Variants in BAG1 observed in about 807,000 individuals in gnomAD.
The protein encoded by BAG1 is BAG cochaperone 1.
BAG1 carries 35 observed loss-of-function variants against 35.5 expected under a neutral mutation model. The ratio of observed to expected loss-of-function variants is 0.99; its 90% CI spans 0.75 to 1.31. The LOEUF (loss-of-function observed/expected upper bound fraction) is 1.31, where lower values mean the gene tolerates loss of function less well. BAG1 is among the 50% of genes most tolerant of loss of function. The pLI is 0.00. For missense variants in BAG1, 464 were observed against 453.6 expected (o/e 1.02, Z -0.21); for synonymous variants, 191 against 178.9 (o/e 1.07, Z -0.54).
chr9:33,254,012 CTG>C lies in BAG1; in HGVS notation c.*1205_*1206del, dbSNP rs1820393755. 6.6e-6 allele frequency: 1 copy of C among 151,410 alleles called. No homozygotes were observed. The highest frequency in any genetic ancestry group is 2.4e-5 in the African/African-American group (1 of 41,138). 9.4% of individuals were successfully genotyped at this position (151,410 alleles called of 1,614,324 possible). A position where few individuals can be genotyped will look rare whatever the true frequency, so the allele number is the denominator to read the frequency against. ...TTTTTTTCTGAGATGGAGTCTCACT[CTG>C]TGACCCAGGCTGGAGTGCAGGGGCG... is the stretch of plus-strand genomic sequence containing the variant. On this transcript the variant is annotated 3_prime_UTR_variant, in exon 7 of 7. Transcript: ENST00000634734.
At chr9:33,258,105 A>G (rs1214338574) in intron 4 of BAG1, 2 of 152,104 alleles carry the variant, frequency 1.3e-5, no homozygotes, top group African/African-American at 4.8e-5. Context: ...AGTCTGGCCA[A>G]CATGGTGAAA....
chr9:33,264,707 C>A lies in BAG1; in HGVS notation c.-33G>T, dbSNP rs1820676285. The A allele has an allele frequency of 1.5e-6, 2 of 1,364,288 alleles. No homozygotes were observed. Among genetic ancestry groups the A allele is most frequent in the Non-Finnish European group, 9.4e-7 (1 of 1,064,556 alleles). 84.5% of individuals were successfully genotyped at this position (1,364,288 alleles called of 1,614,324 possible). A position where few individuals can be genotyped will look rare whatever the true frequency, so the allele number is the denominator to read the frequency against. ...CTTGTTGACCGCCCAGCGATGGAAG[C>A]TGAGCGCGGCGTCTCACAACCCCGC... On this transcript the variant is annotated 5_prime_UTR_variant, in exon 1 of 7. Transcript: ENST00000634734.
intron 5 of BAG1, among the ~76,000 whole-genome samples, chr9:33,256,196 T>C (rs1389393901): frequency 6.6e-6 from 1 of 152,206 alleles, no homozygotes; most frequent in Non-Finnish European, 1.5e-5. Flanking sequence ...ACAGACTTTG[T>C]TCTTTTATTG....
In BAG1 at chr9:33,261,177, G is replaced by C. The variant is rs1238078500; in HGVS notation, c.581-8C>G. On this transcript the variant is annotated splice_polypyrimidine_tract_variant and splice_region_variant and intron_variant, in intron 2 of 6. Coordinates refer to ENST00000634734, the MANE Select transcript of BAG1 (RefSeq NM_004323.6). ...TTTCCTTCAGAGATTTTCCTAAAAA[G>C]AGGAGAAAGGTAGGCCAAGTTGTAA... 4 of 1,597,976 alleles carry C rather than the reference G, an allele frequency of 2.5e-6. No individual in the cohort carries two copies. Among genetic ancestry groups the C allele is most frequent in the South Asian group, 2.3e-5 (2 of 88,720 alleles).
Position 33,255,944 on chromosome 9 carries a change from T to C in BAG1, c.886-17A>G. The C allele has an allele frequency of 6.3e-7, 1 of 1,597,868 alleles. No homozygotes were observed. Among genetic ancestry groups the C allele is most frequent in the Non-Finnish European group, 8.6e-7 (1 of 1,165,278 alleles). Reference sequence around the variant, plus strand: ...TGGCAGGATCTATGGAAGAGTAAGTTGATAATACAAGTTAGTAAATAGTAA... The same window carrying C: ...TGGCAGGATCTATGGAAGAGTAAGTCGATAATACAAGTTAGTAAATAGTAA... On this transcript the variant is annotated splice_polypyrimidine_tract_variant and intron_variant, in intron 5 of 6. Coordinates refer to ENST00000634734, the MANE Select transcript of BAG1 (RefSeq NM_004323.6).
chr9:33,254,793 C>A lies in BAG1; in HGVS notation c.*426G>T. On this transcript the variant is annotated 3_prime_UTR_variant, in exon 7 of 7. Transcript: ENST00000634734. ...AATATTCCTGACTAGGTGCAACCTC[C>A]TGGTGATTCTGGTTTTACAGCTATG... 3.0e-6 allele frequency: 1 copy of A among 334,850 alleles called. No homozygotes were observed. Among genetic ancestry groups the A allele is most frequent in the South Asian group, 2.5e-5 (1 of 40,748 alleles). The allele number at this position is 334,850 out of a possible 1,614,324, so 20.7% of individuals were successfully genotyped here. A position where few individuals can be genotyped will look rare whatever the true frequency, so the allele number is the denominator to read the frequency against.
rs1820432482 is a variant in BAG1 at position 33,255,426 on chromosome 9, G to A, written c.949-118C>T. 3 of 1,508,668 alleles carry A rather than the reference G, an allele frequency of 2.0e-6. No individual in the cohort carries two copies. The African/African-American group carries it at 4.1e-5, about 21-fold the overall frequency. 93.5% of individuals were successfully genotyped at this position (1,508,668 alleles called of 1,614,324 possible). On this transcript the variant is annotated intron_variant, in intron 6 of 6. Transcript: ENST00000634734. ...ATGGCTGAGACTCAAAACAGATTGT[G>A]CATGAATGGAGATGGGCCACTGGCC... is the stretch of plus-strand genomic sequence containing the variant.
Position 33,258,781 on chromosome 9 carries a change from CTTGT to C in BAG1, c.777+135_777+138del, listed in dbSNP as rs2117949340. 1.6e-5 allele frequency: 10 copies of C among 626,602 alleles called. No homozygotes were observed. The South Asian group carries it at 1.9e-4, about 12-fold the overall frequency. 38.8% of individuals were successfully genotyped at this position (626,602 alleles called of 1,614,324 possible). A position where few individuals can be genotyped will look rare whatever the true frequency, so the allele number is the denominator to read the frequency against. The stretch of plus-strand genomic sequence containing the variant: ...ATGAGGAACTTGAGACAAAGATAAA[CTTGT>C]TCACAGTAAGAGAAAGGGTGAATCC... On this transcript the variant is annotated intron_variant, in intron 4 of 6. Transcript: ENST00000634734.
Position 33,261,142 on chromosome 9 carries a change from G to A in BAG1, c.608C>T (p.Pro203Leu), listed in dbSNP as rs745826979. 3.2e-5 allele frequency: 51 copies of A among 1,609,950 alleles called. No individual in the cohort carries two copies. The East Asian group carries it at 6.5e-4, about 20-fold the overall frequency. Reference sequence around the variant, plus strand: ...ATCTTGTATTCCAAGTGCTGACAACGGTGTTTCCATTTCCTTCAGAGATTT... The same window carrying A: ...ATCTTGTATTCCAAGTGCTGACAACAGTGTTTCCATTTCCTTCAGAGATTT... Residue 203 changes from proline to leucine, a missense_variant, in exon 3 of 7, where the codon CCG (proline) becomes CTG (leucine). Pro to Leu is a moderately conservative substitution (Grantham distance 98, BLOSUM62 -3). Coordinates refer to ENST00000634734, the MANE Select transcript of BAG1 (RefSeq NM_004323.6).
At chr9:33,258,695 C>G (rs1053601868) in intron 4 of BAG1, among the ~76,000 whole-genome samples, 1 of 152,208 alleles carries the variant, frequency 6.6e-6, no homozygotes, top group African/African-American at 2.4e-5. Flanking sequence ...GCTCAATCTA[C>G]ATTATTTAAT....
Position 33,264,524 on chromosome 9 carries a change from T to G in BAG1, c.151A>C (p.Ser51Arg). 6.3e-7 allele frequency: 1 copy of G among 1,585,370 alleles called. No individual in the cohort carries two copies. Among genetic ancestry groups the G allele is most frequent in the Non-Finnish European group, 8.6e-7 (1 of 1,168,696 alleles). ...GGTCGGTCATGCCCGCTGGCAGTACTCCGGGCAGGTGGACGCCCAGAGGGA... is the reference window on the plus strand; with the variant it reads ...GGTCGGTCATGCCCGCTGGCAGTACGCCGGGCAGGTGGACGCCCAGAGGGA... Residue 51 changes from serine to arginine, a missense_variant, in exon 1 of 7, where the codon AGT (serine) becomes CGT (arginine). Transcript: ENST00000634734.
rs938664391 is a variant in BAG1, at chr9:33,254,187, T to C, written c.*1032A>G. On this transcript the variant is annotated 3_prime_UTR_variant, in exon 7 of 7. Transcript: ENST00000634734. ...TTTAAAGCAGAATGGGGTTTTGCTATGTTGCCTGGGCTGGTCTCAAACTCC... is the reference window on the plus strand; with the variant it reads ...TTTAAAGCAGAATGGGGTTTTGCTACGTTGCCTGGGCTGGTCTCAAACTCC... The C allele has an allele frequency of 6.7e-6, 1 of 150,108 alleles. No homozygotes were observed. Among genetic ancestry groups the C allele is most frequent in the Admixed American group, 6.7e-5 (1 of 14,982 alleles). 9.3% of individuals were successfully genotyped at this position (150,108 alleles called of 1,614,324 possible). A position where few individuals can be genotyped will look rare whatever the true frequency, so the allele number is the denominator to read the frequency against.
intron 1 of BAG1, 130 bp from the exon 2 acceptor site, chr9:33,262,960 C>T (rs1388845655): frequency 1.6e-6 from 2 of 1,285,814 alleles, no homozygotes; most frequent in South Asian, 1.7e-5. Context: ...ACAGAGCCTG[C>T]CCCCATGCCA....
intron 3 of BAG1, 136 bp downstream of exon 3, chr9:33,260,951 T>A (rs1820555738): frequency 1.6e-6 from 1 of 610,342 alleles, no homozygotes; most frequent in Non-Finnish European, 2.7e-6. Flanking sequence ...GTAAAACCAA[T>A]AAAGATTGTA....
intron 2 of BAG1, among the ~76,000 whole-genome samples, chr9:33,261,414 G>T (rs1255387637): frequency 6.6e-6 from 1 of 152,280 alleles, no homozygotes; most frequent in African/African-American, 2.4e-5. Flanking sequence ...TGAGAAACTG[G>T]AAAGAGCCAA....
At chr9:33,263,968 C>A (rs903725389) in intron 1 of BAG1, among the ~76,000 whole-genome samples, 1 of 152,164 alleles carries the variant, frequency 6.6e-6, no homozygotes, top group Non-Finnish European at 1.5e-5. Context: ...ACCAGGCCCA[C>A]GACGTAAAGC....
At position 33,255,248 on chromosome 9, in the gene BAG1, G is replaced by A. The variant is rs1820427328; in HGVS notation, c.1009C>T (p.Gln337Ter). The change falls in exon 7 of 7, where the codon CAG (glutamine) becomes TAG (stop). Residue 337 changes from glutamine to a stop codon, truncating the protein, a stop_gained. Coordinates refer to ENST00000634734, the MANE Select transcript of BAG1 (RefSeq NM_004323.6). LOFTEE classifies it high-confidence loss of function. ...TCGGCCAGGGCAAAGTTTGTAGACT[G>A]CAGCCGCTCAGTCTCCTGGCAGATG... The A allele has an allele frequency of 6.2e-7, 1 of 1,614,114 alleles. No homozygotes were observed. The highest frequency in any genetic ancestry group is 8.5e-7 in the Non-Finnish European group (1 of 1,180,046).
In BAG1 at chr9:33,255,904, G is replaced by A; in HGVS notation, c.909C>T (p.Asp303=). ...CCAAGCCTTTCCTTTTCAATCTACT[G>A]TCTTTGAAATTTTCTGGCAGGATCT... Residue 303 remains aspartate (D), a synonymous_variant, in exon 6 of 7, where the codon GAC becomes GAT. Transcript: ENST00000634734. The A allele has an allele frequency of 6.2e-7, 1 of 1,613,882 alleles. No homozygotes were observed. Among genetic ancestry groups the A allele is most frequent in the Non-Finnish European group, 8.5e-7 (1 of 1,179,828 alleles).
chr9:33,259,642 C>A (rs1820528086), intron 3 of BAG1: 1 of 152,302 alleles, frequency 6.6e-6, no homozygotes, highest in African/African-American at 2.4e-5. Context: ...CAGCCCTATA[C>A]TGATCAACAA....
Sources: allele counts gnomAD v4.1 joint callset (sites outside exome capture counted in the v4.1 genomes callset), GRCh38; gene constraint gnomAD v4.1.1; transcripts MANE v1.5; gene names NCBI Gene and HGNC (gene_info 2026-07-23, HGNC 2026-07-21).